CSGALNACT1: variants seen among roughly 807,000 people sequenced by gnomAD.
CSGALNACT1 encodes chondroitin sulfate N-acetylgalactosaminyltransferase 1, also known as beta4GalNAcT-1.
A neutral mutation model predicts 51.0 loss-of-function variants in CSGALNACT1; 52 were observed. The observed-to-expected ratio is 1.02, with a 90% CI of 0.82 to 1.29. The LOEUF (loss-of-function observed/expected upper bound fraction) is 1.29, where lower values mean the gene tolerates loss of function less well. Among genes scored for constraint, CSGALNACT1 ranks in the 50% most tolerant of loss-of-function variants. The pLI, the probability that CSGALNACT1 is intolerant of heterozygous loss-of-function variation, is 0.00. For synonymous variants in CSGALNACT1, 341 were observed against 254.4 expected (o/e 1.34, Z -3.24); for missense variants, 935 against 679.2 (o/e 1.38, Z -4.19).
At chr8:19,567,938 A>G (rs1048637575) in intron 3 of CSGALNACT1, among the ~76,000 whole-genome samples, 1 of 152,216 alleles carries the variant, frequency 6.6e-6, no homozygotes, top group Non-Finnish European at 1.5e-5. Context: ...TTAATGAAAG[A>G]TGTATAAAAC....
intron 3 of CSGALNACT1, among the ~76,000 whole-genome samples, chr8:19,512,427 A>C (rs1298538163): frequency 1.3e-5 from 2 of 152,196 alleles, no homozygotes; most frequent in Non-Finnish European, 2.9e-5. Flanking sequence ...GAGATAATAA[A>C]TGTTTGTTAC....
At chr8:19,619,159 C>G (rs1036988508) in intron 1 of CSGALNACT1, among the ~76,000 whole-genome samples, 3 of 147,484 alleles carry the variant, frequency 2.0e-5, no homozygotes, top group African/African-American at 7.5e-5. Flanking sequence ...CATTAGACTA[C>G]TCAGACTCAA....
rs971992759 is a variant in CSGALNACT1 at position 19,738,764 on chromosome 8, G to T, written c.-297+19086C>A. Among the ~76,000 whole-genome samples, 3 of 152,232 alleles carry T rather than the reference G, an allele frequency of 2.0e-5. No individual in the cohort carries two copies. The South Asian group carries it at 6.2e-4, about 32-fold the overall frequency. On this transcript the variant is annotated intron_variant, in intron 1 of 1. Coordinates refer to the CSGALNACT1 transcript ENST00000517494. ...GCAGAACCATAAGACACTGTGCAGC[G>T]ATAGGAGCAAAAATAATTATTCATA...
In CSGALNACT1 at chr8:19,662,030, C is replaced by G. The variant is rs116333779; in HGVS notation, c.-544+20443G>C. On this transcript the variant is annotated intron_variant, in intron 1 of 9. Transcript: ENST00000332246. ...AGGTATTTTTAACCATCCCTACCAG[C>G]AGCAACCCCTTTCCCACTATTACAG... Among the ~76,000 whole-genome samples, 1,433 of 148,632 alleles carry G rather than the reference C, an allele frequency of 9.6e-3. 29 individuals carry two copies. Among genetic ancestry groups the G allele is most frequent in the African/African-American group, 0.034 (1,365 of 40,264 alleles).
chr8:19,686,866 A>T (rs1271378630), upstream of CSGALNACT1, among the ~76,000 whole-genome samples: 1 of 152,120 alleles, frequency 6.6e-6, no homozygotes, highest in Non-Finnish European at 1.5e-5. Flanking sequence ...TGGACTAGAG[A>T]TAGGACTTCT....
At position 19,542,200 on chromosome 8, in the gene CSGALNACT1, A is replaced by AACACACACACACACACACAC. The variant is rs55968136; in HGVS notation, c.-296-36090_-296-36071dup. On this transcript the variant is annotated intron_variant, in intron 3 of 9. Transcript: ENST00000454498. ...AAGAAAGAAGAGAGACAGCACAAGAAACACACACACACACACACACACACA... is the reference window on the plus strand; with the variant it reads ...AAGAAAGAAGAGAGACAGCACAAGAAACACACACACACACACACACACACACACACACACACACACACACA... Among the ~76,000 whole-genome samples the AACACACACACACACACACAC allele has an allele frequency of 9.0e-4, 129 of 144,038 alleles. No homozygotes were observed. In the South Asian group the frequency reaches 9.7e-3, roughly 11 times the overall value. The allele number at this position is 144,038 out of a possible 152,430, so 94.5% of individuals were successfully genotyped here. A position where few individuals can be genotyped will look rare whatever the true frequency, so the allele number is the denominator to read the frequency against.
intron 1 of CSGALNACT1, among the ~76,000 whole-genome samples, chr8:19,747,775 A>G (rs778757296): frequency 6.6e-6 from 1 of 152,068 alleles, no homozygotes; most frequent in South Asian, 2.1e-4. Context: ...CTAGTTTCCT[A>G]CTGTAGAAAC....
chr8:19,408,591 T>C (rs1005028290), intron 9 of CSGALNACT1, 22 bp downstream of exon 8: 1 of 1,601,896 alleles, frequency 6.2e-7, no homozygotes, highest in Non-Finnish European at 8.5e-7. Context: ...TGGGTGGCAG[T>C]AGAGATGCAG....
At chr8:19,496,767 C>T (rs1050635062) in intron 4 of CSGALNACT1, among the ~76,000 whole-genome samples, 4 of 152,236 alleles carry the variant, frequency 2.6e-5, no homozygotes, top group East Asian at 1.9e-4. Context: ...AAGAAATCAA[C>T]GACCTAAGCA....
chr8:19,716,149 A>T (rs1010590522), intron 1 of CSGALNACT1, among the ~76,000 whole-genome samples: 1 of 151,926 alleles, frequency 6.6e-6, no homozygotes, highest in Non-Finnish European at 1.5e-5. Context: ...TTCCTCTAAC[A>T]CAGTCCTGAA....
At chr8:19,548,390 T>A (rs13275523) in intron 3 of CSGALNACT1, among the ~76,000 whole-genome samples, 22,456 of 152,176 alleles carry the variant, frequency 0.15, 2,162 homozygotes, top group East Asian at 0.27. Context: ...TCATGATTCA[T>A]ATGAGACTAA....
chr8:19,656,120 G>T (rs1272741318), intron 1 of CSGALNACT1, among the ~76,000 whole-genome samples: 4 of 152,188 alleles, frequency 2.6e-5, no homozygotes, highest in African/African-American at 9.7e-5. Context: ...AGTCATCATG[G>T]ACTCTCATGT....
In CSGALNACT1 at chr8:19,518,535, C is replaced by T. The variant is rs147667195; in HGVS notation, c.-296-12405G>A. ...GAGCCCTATGTAAATCAGAGACTGC[C>T]TCCTCAAACCAGACTATAAAATCCT... On this transcript the variant is annotated intron_variant, in intron 3 of 9. Coordinates refer to ENST00000454498, the Ensembl canonical transcript of CSGALNACT1. 4.1e-3 allele frequency among the ~76,000 whole-genome samples: 632 copies of T among 152,304 alleles called. 4 individuals carry two copies. The highest frequency in any genetic ancestry group is 0.014 in the African/African-American group (602 of 41,560).
chr8:19,606,970 A>G (rs144221469), upstream of CSGALNACT1, among the ~76,000 whole-genome samples: 1,493 of 152,174 alleles, frequency 9.8e-3, 22 homozygotes, highest in African/African-American at 0.034. Flanking sequence ...CCTGGCTAAT[A>G]CGGGGAAACC....
chr8:19,424,045 C>T (rs1279236214), intron 6 of CSGALNACT1, among the ~76,000 whole-genome samples: 1 of 151,996 alleles, frequency 6.6e-6, no homozygotes, highest in Non-Finnish European at 1.5e-5. Flanking sequence ...TTGCCTGGGA[C>T]TTTCATCCAC....
intron 3 of CSGALNACT1, among the ~76,000 whole-genome samples, chr8:19,519,851 C>T (rs1373864285): frequency 6.6e-6 from 1 of 152,196 alleles, no homozygotes; most frequent in African/African-American, 2.4e-5. Context: ...GATGGAGAAG[C>T]CTGGTCTGCC....
chr8:19,658,145 G>C (rs1300562133), intron 1 of CSGALNACT1, among the ~76,000 whole-genome samples: 1 of 150,026 alleles, frequency 6.7e-6, no homozygotes, highest in Non-Finnish European at 1.5e-5. Flanking sequence ...TTTGGAAAGT[G>C]ATTAGGGCTA....
intron 1 of CSGALNACT1, among the ~76,000 whole-genome samples, chr8:19,608,276 T>C (rs998280452): frequency 2.0e-4 from 30 of 152,176 alleles, no homozygotes; most frequent in African/African-American, 7.2e-4. Context: ...CATAACAAAT[T>C]ATACATTCCC....
At chr8:19,564,940 C>CAAGTGAGTG (rs2041604348) in intron 3 of CSGALNACT1, among the ~76,000 whole-genome samples, 2 of 152,166 alleles carry the variant, frequency 1.3e-5, no homozygotes, top group Non-Finnish European at 2.9e-5. Flanking sequence ...AAATGAGTGA[C>CAAGTGAGTG]AAGTGAGTGA....
Sources: allele counts gnomAD v4.1 joint callset (sites outside exome capture counted in the v4.1 genomes callset), GRCh38; gene constraint gnomAD v4.1.1; transcripts MANE v1.5; gene names NCBI Gene and HGNC (gene_info 2026-07-23, HGNC 2026-07-21).